The following PXDNL variants were observed in gnomAD, a reference collection of about 807,000 sequenced individuals.
The protein encoded by PXDNL is peroxidasin like, also known as probable oxidoreductase PXDNL.
PXDNL carries 145 observed loss-of-function variants against 150.8 expected under a neutral mutation model. The ratio of observed to expected loss-of-function variants is 0.96; its 90% confidence interval spans 0.84 to 1.10. PXDNL has a LOEUF of 1.10. Ranked by LOEUF, PXDNL falls within the 50% of genes least tolerant of loss-of-function variation. The pLI, the probability that PXDNL is intolerant of heterozygous loss-of-function variation, is 0.00. For missense variants in PXDNL, 2,087 were observed against 1,873.9 expected, an observed-to-expected ratio of 1.11 and a Z score of -2.10; for synonymous variants, 757 against 725.7, an observed-to-expected ratio of 1.04 and a Z score of -0.69.
chr8:51,505,440 G>T (rs1479211283), intron 4 of PXDNL, among the ~76,000 whole-genome samples: 1 of 152,224 alleles, frequency 6.6e-6, no homozygotes, highest in Non-Finnish European at 1.5e-5. Flanking sequence ...TAAGGCAAGA[G>T]CAGAGATGGG....
intron 2 of PXDNL, among the ~76,000 whole-genome samples, chr8:51,628,227 C>T (rs1814402872): frequency 6.6e-6 from 1 of 151,926 alleles, no homozygotes; most frequent in Admixed American, 6.6e-5. Flanking sequence ...TTAACACAAA[C>T]AGAAAGTAAA....
intron 17 of PXDNL, among the ~76,000 whole-genome samples, chr8:51,390,370 G>T (rs910845384): frequency 6.6e-6 from 1 of 152,136 alleles, no homozygotes; most frequent in African/African-American, 2.4e-5. Flanking sequence ...AACTCAGATA[G>T]ATCATGCAAT....
intron 12 of PXDNL, among the ~76,000 whole-genome samples, chr8:51,429,293 CAT>C (rs548970222): frequency 3.3e-4 from 50 of 152,250 alleles, no homozygotes; most frequent in African/African-American, 8.7e-4. Flanking sequence ...AAAATTTAAA[CAT>C]GTGGCCGGGT....
chr8:51,593,983 C>T (rs1006470793), intron 2 of PXDNL, among the ~76,000 whole-genome samples: 2 of 152,162 alleles, frequency 1.3e-5, no homozygotes, highest in East Asian at 3.8e-4. Context: ...GTAATTAATA[C>T]CAGACACAAA....
chr8:51,522,111 T>A (rs577858727), intron 4 of PXDNL, among the ~76,000 whole-genome samples: 9 of 152,298 alleles, frequency 5.9e-5, no homozygotes, highest in African/African-American at 2.2e-4. Context: ...TATTTTTAAG[T>A]TCTCTAAAAT....
rs754637203 is a variant in PXDNL, at chr8:51,682,992, A to G, written c.165-28232T>C. Among the ~76,000 whole-genome samples the G allele has an allele frequency of 9.4e-4, 143 of 151,774 alleles. 2 individuals carry two copies. Among genetic ancestry groups the G allele is most frequent in the Admixed American group, 5.3e-3 (80 of 15,234 alleles). On this transcript the variant is annotated intron_variant, in intron 1 of 22. Coordinates refer to ENST00000356297, the MANE Select transcript of PXDNL (RefSeq NM_144651.5). ...TCTCTTCGAGATCCTGATTTCAATCATTTTTGATAAATATTCAGAAGTGGA... is the reference window on the plus strand; with the variant it reads ...TCTCTTCGAGATCCTGATTTCAATCGTTTTTGATAAATATTCAGAAGTGGA...
intron 1 of PXDNL, among the ~76,000 whole-genome samples, chr8:51,735,746 C>T (rs1244369830): frequency 6.7e-6 from 1 of 150,274 alleles, no homozygotes; most frequent in Non-Finnish European, 1.5e-5. Context: ...CGGGGTTTCA[C>T]CGTTTTAGCC....
chr8:51,514,833 A>C (rs939231155), intron 4 of PXDNL, among the ~76,000 whole-genome samples: 3 of 152,200 alleles, frequency 2.0e-5, no homozygotes, highest in Admixed American at 2.0e-4. Context: ...TCCAGAAACC[A>C]AAGTATTGAA....
chr8:51,391,707 TA>T (rs1351984330), intron 17 of PXDNL, among the ~76,000 whole-genome samples: 5 of 152,162 alleles, frequency 3.3e-5, no homozygotes, highest in African/African-American at 1.2e-4. Flanking sequence ...ACTCTGATGG[TA>T]GTTTCTTTTG....
At chr8:51,344,425 TC>T (rs1806082396) in intron 20 of PXDNL, among the ~76,000 whole-genome samples, 2 of 152,182 alleles carry the variant, frequency 1.3e-5, no homozygotes, top group African/African-American at 4.8e-5. Flanking sequence ...TGTACCATTC[TC>T]CAAACACACC....
At chr8:51,577,989 A>T (rs1449968810) in intron 3 of PXDNL, among the ~76,000 whole-genome samples, 1 of 67,670 alleles carries the variant, frequency 1.5e-5, no homozygotes, top group South Asian at 5.0e-4. Context: ...GAAAGAAAGA[A>T]AGAAAGAAAG....
chr8:51,532,255 C>T (rs996427460), intron 4 of PXDNL, among the ~76,000 whole-genome samples: 1 of 152,168 alleles, frequency 6.6e-6, no homozygotes, highest in Admixed American at 6.5e-5. Context: ...ACAGCAAAGC[C>T]TGTTATTTTT....
At chr8:51,758,625 T>C (rs1029418600) in intron 1 of PXDNL, among the ~76,000 whole-genome samples, 1 of 152,168 alleles carries the variant, frequency 6.6e-6, no homozygotes, top group African/African-American at 2.4e-5. Flanking sequence ...TTTCACGAGA[T>C]CTGATGGTTT....
At chr8:51,436,057 G>T in intron 12 of PXDNL, 1 of 522,474 alleles carries the variant, frequency 1.9e-6, no homozygotes, top group South Asian at 1.4e-5. Context: ...TAGCCTAGCT[G>T]AACTACAGAT....
At chr8:51,345,102 A>C (rs1806106232) in intron 20 of PXDNL, among the ~76,000 whole-genome samples, 1 of 152,246 alleles carries the variant, frequency 6.6e-6, no homozygotes, top group Non-Finnish European at 1.5e-5. Context: ...AATAGGATAC[A>C]TGGTTCCTTG....
At position 51,683,727 on chromosome 8, in the gene PXDNL, T is replaced by C. The variant is rs535928764; in HGVS notation, c.165-28967A>G. ...TTCCCTGAACAAAAAAGCCTCTTGA[T>C]AGAACATGCTTTCAGGCTGTCCTGA... is the stretch of plus-strand genomic sequence containing the variant. On this transcript the variant is annotated intron_variant, in intron 1 of 22. Coordinates refer to ENST00000356297, the MANE Select transcript of PXDNL (RefSeq NM_144651.5). Among the ~76,000 whole-genome samples the C allele has an allele frequency of 1.4e-4, 21 of 152,282 alleles. No homozygotes were observed. In the South Asian group the frequency reaches 4.4e-3, roughly 32 times the overall value.
intron 19 of PXDNL, among the ~76,000 whole-genome samples, chr8:51,370,193 C>T (rs1436169065): frequency 6.6e-6 from 1 of 152,310 alleles, no homozygotes; most frequent in East Asian, 1.9e-4. Flanking sequence ...TAGGTGTTTC[C>T]CTGAATCACA....
intron 1 of PXDNL, among the ~76,000 whole-genome samples, chr8:51,735,443 C>T (rs187931216): frequency 5.9e-5 from 9 of 151,642 alleles, no homozygotes; most frequent in Admixed American, 1.3e-4. Flanking sequence ...CGAGATCCTG[C>T]CGCTGCACCC....
chr8:51,457,168 A>G (rs561427515), intron 9 of PXDNL, among the ~76,000 whole-genome samples: 1 of 152,358 alleles, frequency 6.6e-6, no homozygotes, highest in East Asian at 1.9e-4. Flanking sequence ...TTCATGATGA[A>G]TGAATGATTG....
Sources: allele counts gnomAD v4.1 joint callset (sites outside exome capture counted in the v4.1 genomes callset), GRCh38; gene constraint gnomAD v4.1.1; transcripts MANE v1.5; gene names NCBI Gene and HGNC (gene_info 2026-07-23, HGNC 2026-07-21).